SCAPER: variants seen among roughly 807,000 people sequenced by gnomAD.
SCAPER encodes S phase cyclin A-associated protein in the endoplasmic reticulum.
Under a neutral mutation model 182.2 loss-of-function variants are expected in SCAPER, and 98 were observed. The observed-to-expected ratio is 0.54, with a 90% CI of 0.46 to 0.64. SCAPER has a LOEUF of 0.64. SCAPER is among the 30% of genes least tolerant of loss of function. The probability of loss-of-function intolerance (pLI) is 0.00; values close to 1 mark genes in which losing one functional copy is unlikely to be tolerated. For synonymous variants in SCAPER, 605 were observed against 564.6 expected (o/e 1.07, Z -1.01); for missense variants, 1,432 against 1,690.0 (o/e 0.85, Z 2.68).
chr15:76,428,893 T>TATATATATATATATATATATATATATAA (rs561331843), intron 26 of SCAPER, among the ~76,000 whole-genome samples: 1 of 139,566 alleles, frequency 7.2e-6, no homozygotes, highest in African/African-American at 2.7e-5. Context: ...TATATATATA[T>TATATATATATATATATATATATATATAA]AAACATCAAA....
At chr15:76,768,804 A>G (rs941577856) in intron 10 of SCAPER, among the ~76,000 whole-genome samples, 17 of 128,072 alleles carry the variant, frequency 1.3e-4, no homozygotes, top group African/African-American at 4.9e-4. Context: ...ACTATCAACA[A>G]AATTGATCTA....
chr15:76,652,369 C>CATATATATATAT (rs1431041058), intron 21 of SCAPER, among the ~76,000 whole-genome samples: 21 of 13,678 alleles, frequency 1.5e-3, no homozygotes, highest in East Asian at 2.8e-3. Flanking sequence ...CACACACACA[C>CATATATATATAT]ACATATATAT....
chr15:76,372,389 A>G (rs191768372), intron 29 of SCAPER, among the ~76,000 whole-genome samples: 2 of 151,996 alleles, frequency 1.3e-5, no homozygotes. Flanking sequence ...TCACTTTCCC[A>G]CCATGTCCAA....
chr15:76,749,428 G>T (rs1193712088), intron 15 of SCAPER, among the ~76,000 whole-genome samples: 2 of 152,018 alleles, frequency 1.3e-5, no homozygotes, highest in Admixed American at 6.5e-5. Flanking sequence ...CCTGAGACTG[G>T]GAACAAGAAA....
chr15:76,454,177 T>G (rs1596712030), intron 25 of SCAPER, among the ~76,000 whole-genome samples: 1 of 152,164 alleles, frequency 6.6e-6, no homozygotes, highest in Non-Finnish European at 1.5e-5. Context: ...TTTTTCTTAT[T>G]GTTTTCTTAG....
chr15:76,728,752 A>C lies in SCAPER; in HGVS notation c.2023-15T>G. 6.3e-7 allele frequency: 1 copy of C among 1,599,080 alleles called. No individual in the cohort carries two copies. Among genetic ancestry groups the C allele is most frequent in the Non-Finnish European group, 8.5e-7 (1 of 1,174,986 alleles). ...CTCTTGCGTTCCTAATGTTAGAAAT[A>C]TTTGTTTCCAATATTAGAATTATGT... On this transcript the variant is annotated splice_polypyrimidine_tract_variant and intron_variant, in intron 16 of 31. Coordinates refer to ENST00000563290, the MANE Select transcript of SCAPER (RefSeq NM_020843.4).
intron 5 of SCAPER, among the ~76,000 whole-genome samples, chr15:76,840,415 C>A (rs532464512): frequency 1.1e-3 from 137 of 129,570 alleles, no homozygotes; most frequent in Middle Eastern, 7.5e-3. Flanking sequence ...AAAGACCTGC[C>A]TCAAAAAAAA....
At chr15:76,524,504 TAA>T (rs1287374478) in intron 23 of SCAPER, among the ~76,000 whole-genome samples, 3 of 152,048 alleles carry the variant, frequency 2.0e-5, no homozygotes, top group Non-Finnish European at 2.9e-5. Flanking sequence ...AATATAAATA[TAA>T]GTGAATATTT....
intron 22 of SCAPER, among the ~76,000 whole-genome samples, chr15:76,616,834 A>G (rs1404303008): frequency 6.6e-6 from 1 of 152,172 alleles, no homozygotes; most frequent in African/African-American, 2.4e-5. Context: ...TAAAAAGCTC[A>G]TACTGTATCA....
chr15:76,435,367 T>C (rs941870105), intron 25 of SCAPER, among the ~76,000 whole-genome samples: 6 of 152,252 alleles, frequency 3.9e-5, no homozygotes, highest in African/African-American at 1.4e-4. Flanking sequence ...TAATCATTTT[T>C]CCCTATATGT....
chr15:76,777,189 C>G (rs540107403), intron 8 of SCAPER, among the ~76,000 whole-genome samples: 2 of 152,180 alleles, frequency 1.3e-5, no homozygotes, highest in South Asian at 4.1e-4. Flanking sequence ...TCATCTGAAA[C>G]AATGGAAGCC....
rs1397960284 is a variant in SCAPER at position 76,761,960 on chromosome 15, G to C, written c.1725+3001C>G. Among the ~76,000 whole-genome samples the C allele has an allele frequency of 2.0e-5, 3 of 152,104 alleles. No homozygotes were observed. In the East Asian group the frequency reaches 5.8e-4, roughly 29 times the overall value. ...ATTTGTTTTATATATTTATGTGTTA[G>C]GTTGCTGGGTGCAAATATATTTAAA... On this transcript the variant is annotated intron_variant, in intron 14 of 31. Transcript: ENST00000563290.
chr15:76,576,267 G>A (rs574966704), intron 22 of SCAPER, among the ~76,000 whole-genome samples: 2 of 152,268 alleles, frequency 1.3e-5, no homozygotes, highest in African/African-American at 4.8e-5. Flanking sequence ...AGGAGGTTGA[G>A]GTGCGAGGAC....
chr15:76,527,127 C>T (rs2043265862), intron 23 of SCAPER, among the ~76,000 whole-genome samples: 2 of 152,150 alleles, frequency 1.3e-5, no homozygotes, highest in South Asian at 2.1e-4. Flanking sequence ...CCACCTGCCT[C>T]GGCCTCCCAA....
intron 22 of SCAPER, among the ~76,000 whole-genome samples, chr15:76,603,644 C>A (rs2050097409): frequency 1.6e-5 from 2 of 121,976 alleles, no homozygotes; most frequent in South Asian, 5.1e-4. Context: ...TGCAGTCCCA[C>A]TCACAGTGTA....
intron 21 of SCAPER, among the ~76,000 whole-genome samples, 159 bp from the exon 22 acceptor site, chr15:76,621,988 T>C (rs1238407461): frequency 3.3e-5 from 5 of 152,136 alleles, no homozygotes; most frequent in Non-Finnish European, 7.4e-5. Flanking sequence ...AGTTATACAA[T>C]GAAAAGATAA....
intron 23 of SCAPER, among the ~76,000 whole-genome samples, chr15:76,521,810 T>A (rs2042860172): frequency 6.6e-6 from 1 of 152,196 alleles, no homozygotes; most frequent in Non-Finnish European, 1.5e-5. Context: ...TTAAAAAATC[T>A]ATTAAATTTG....
In SCAPER at chr15:76,399,563, C is replaced by T. The variant is rs574099810; in HGVS notation, c.3467+4961G>A. On this transcript the variant is annotated intron_variant, in intron 27 of 31. Coordinates refer to ENST00000563290, the MANE Select transcript of SCAPER (RefSeq NM_020843.4). ...AAAATCAATCCTTTCATCAGAGGAT[C>T]ACGATTTCAATTTTTACTTAAAGAA... 2.5e-3 allele frequency among the ~76,000 whole-genome samples: 379 copies of T among 152,344 alleles called. 2 individuals carry two copies. Among genetic ancestry groups the T allele is most frequent in the South Asian group, 3.9e-3 (19 of 4,822 alleles).
intron 23 of SCAPER, among the ~76,000 whole-genome samples, chr15:76,515,024 G>C (rs2042309771): frequency 6.6e-6 from 1 of 152,088 alleles, no homozygotes; most frequent in Non-Finnish European, 1.5e-5. Context: ...TAGGTTTTGG[G>C]GTCAAGGATG....
Sources: allele counts gnomAD v4.1 joint callset (sites outside exome capture counted in the v4.1 genomes callset), GRCh38; gene constraint gnomAD v4.1.1; transcripts MANE v1.5; gene names NCBI Gene and HGNC (gene_info 2026-07-23, HGNC 2026-07-21).